The following DNHD1 variants were observed in gnomAD, a reference collection of about 807,000 sequenced individuals.
DNHD1 encodes dynein heavy chain domain 1.
In DNHD1, 383 loss-of-function variants were observed where a neutral mutation model predicts 458.1. The ratio of observed to expected loss-of-function variants is 0.84; its 90% CI spans 0.77 to 0.91. DNHD1 has a LOEUF of 0.91. Among genes scored for constraint, DNHD1 ranks in the 40% least tolerant of loss-of-function variants. The pLI is 0.00. For synonymous variants in DNHD1, 2,203 were observed against 2,376.9 expected (o/e 0.93, Z 2.13); for missense variants, 5,336 against 5,866.1 (o/e 0.91, Z 2.95).
rs1240850591 is a variant in DNHD1 at position 6,557,962 on chromosome 11, C to A, written c.8667C>A (p.Leu2889=). The change falls in exon 25 of 43, where the codon CTC becomes CTA. Residue 2889 remains leucine, a synonymous_variant. Coordinates refer to ENST00000254579, the MANE Select transcript of DNHD1 (RefSeq NM_144666.3). ...GGCCCCGGCAGCATGGCCTGCTGCTCTCGGGGGCTCTGGGTACTGGGCGCC... is the reference window on the plus strand; with the variant it reads ...GGCCCCGGCAGCATGGCCTGCTGCTATCGGGGGCTCTGGGTACTGGGCGCC... ...LARPRQHGLL[L]SGALGTGRHT... is the part of the protein sequence containing the mutation. The A allele has an allele frequency of 6.4e-7, 1 of 1,551,538 alleles. No individual in the cohort carries two copies. The highest frequency in any genetic ancestry group is 8.7e-7 in the Non-Finnish European group (1 of 1,146,996).
chr11:6,527,764 G>A (rs1852739125), intron 10 of DNHD1, among the ~76,000 whole-genome samples: 1 of 152,228 alleles, frequency 6.6e-6, no homozygotes, highest in African/African-American at 2.4e-5. Flanking sequence ...GGGTTTGGGT[G>A]TGGATAGTAT....
chr11:6,511,244 G>C, intron 6 of DNHD1, 29 bp from the exon 7 acceptor site: 1 of 1,611,110 alleles, frequency 6.2e-7, no homozygotes, highest in Non-Finnish European at 8.5e-7. Flanking sequence ...TGGGATGCCA[G>C]CTCTGACCAG....
intron 29 of DNHD1, 113 bp downstream of exon 29, chr11:6,563,244 GA>G: frequency 6.6e-7 from 1 of 1,526,228 alleles, no homozygotes; most frequent in South Asian, 1.2e-5. Flanking sequence ...CTCCTGGGGG[GA>G]GGGGACAAAG....
At position 6,556,870 on chromosome 11, in the gene DNHD1, G is replaced by A. The variant is rs371880816; in HGVS notation, c.7575G>A (p.Leu2525=). 3.1e-3 allele frequency: 4,781 copies of A among 1,551,600 alleles called. 6 individuals carry two copies. Among genetic ancestry groups the A allele is most frequent in the Non-Finnish European group, 3.6e-3 (4,139 of 1,146,994 alleles). Reference sequence around the variant, plus strand: ...GCCTCTTTCGACTCTTCACAGTCCTGGCCCTGGAAAGCATGACCCAGGCCA... The same window carrying A: ...GCCTCTTTCGACTCTTCACAGTCCTAGCCCTGGAAAGCATGACCCAGGCCA... ...CPRLFRLFTV[L]ALESMTQATL... is the part of the protein sequence containing the mutation. The change falls in exon 25 of 43, where the codon CTG becomes CTA. Residue 2525 remains leucine, a synonymous_variant. Coordinates refer to ENST00000254579, the MANE Select transcript of DNHD1 (RefSeq NM_144666.3).
chr11:6,540,105 C>T (rs1853066772), intron 18 of DNHD1, 22 bp downstream of exon 18: 1 of 1,545,110 alleles, frequency 6.5e-7, no homozygotes, highest in East Asian at 2.5e-5. Flanking sequence ...ACCTTGTGAC[C>T]TAGTGAAAGC....
intron 32 of DNHD1, among the ~76,000 whole-genome samples, chr11:6,565,377 G>C (rs760558395): frequency 2.0e-5 from 3 of 152,228 alleles, no homozygotes; most frequent in Non-Finnish European, 4.4e-5. Flanking sequence ...TGTGAAGACA[G>C]AGGATGAATA....
In DNHD1 at chr11:6,505,201, C is replaced by T. The variant is rs1212540088; in HGVS notation, c.920+2275C>T. 6.6e-6 allele frequency among the ~76,000 whole-genome samples: 1 copy of T among 151,878 alleles called. No homozygotes were observed. The highest frequency in any genetic ancestry group is 2.4e-5 in the African/African-American group (1 of 41,362). On this transcript the variant is annotated intron_variant, in intron 4 of 42. Coordinates refer to ENST00000254579, the MANE Select transcript of DNHD1 (RefSeq NM_144666.3). The surrounding 1 kb of genome is among the most constrained non-coding windows in gnomAD (Gnocchi z 4.4). ...CCTCATAGCTTCTAATAACCTGAACCTCTTCCATTTGTTCCTCTAGTTCTG... is the reference window on the plus strand; with the variant it reads ...CCTCATAGCTTCTAATAACCTGAACTTCTTCCATTTGTTCCTCTAGTTCTG...
chr11:6,529,194 G>T (rs1464130013), intron 12 of DNHD1, 73 bp downstream of exon 12: 6 of 1,508,310 alleles, frequency 4.0e-6, no homozygotes, highest in Non-Finnish European at 5.4e-6. Context: ...CCTTGGTCCT[G>T]GAATGTCCTC....
intron 7 of DNHD1, among the ~76,000 whole-genome samples, chr11:6,512,795 C>G (rs938930365): frequency 6.6e-6 from 1 of 151,980 alleles, no homozygotes; most frequent in Non-Finnish European, 1.5e-5. Flanking sequence ...GGGTAGAGAT[C>G]TTTGTTTTGT....
At chr11:6,561,776 G>A (rs1853594361) in intron 28 of DNHD1, among the ~76,000 whole-genome samples, 1 of 152,194 alleles carries the variant, frequency 6.6e-6, no homozygotes, top group Admixed American at 6.5e-5. Context: ...GGGGCCAAGT[G>A]ACAGAATGTC....
rs1225989683 is a variant in DNHD1 at position 6,548,035 on chromosome 11, C to T, written c.6900C>T (p.Pro2300=). ...ALIWGFGAHL[P]SRFWPIFDTF... ...TCTGGGGCTTTGGAGCCCACCTTCC[C>T]TCCAGGTACCTACCAGGATGGGGGA... Residue 2300 remains proline (P), a synonymous_variant, in exon 22 of 43, where the codon CCC becomes CCT. Coordinates refer to ENST00000254579, the MANE Select transcript of DNHD1 (RefSeq NM_144666.3). The surrounding 1 kb of genome is among the most constrained non-coding windows in gnomAD (Gnocchi z 4.4). 1.3e-6 allele frequency: 2 copies of T among 1,551,608 alleles called. No homozygotes were observed. The highest frequency in any genetic ancestry group is 1.7e-6 in the Non-Finnish European group (2 of 1,147,020).
intron 4 of DNHD1, among the ~76,000 whole-genome samples, chr11:6,504,720 AT>A (rs1408133877): frequency 2.6e-5 from 4 of 152,212 alleles, no homozygotes; most frequent in Non-Finnish European, 5.9e-5. Flanking sequence ...AAGTGCTGGG[AT>A]TACAGGCATG....
intron 16 of DNHD1, 101 bp from the exon 17 acceptor site, chr11:6,539,118 G>A (rs1589881584): frequency 3.7e-6 from 3 of 802,748 alleles, no homozygotes. Flanking sequence ...GCTATCTGGG[G>A]TCTGAGCTGG....
chr11:6,513,175 A>G (rs1055128693), intron 7 of DNHD1, among the ~76,000 whole-genome samples: 2 of 152,206 alleles, frequency 1.3e-5, no homozygotes, highest in Non-Finnish European at 2.9e-5. Context: ...TTAATGTTAT[A>G]AAAATAGTTA....
chr11:6,533,937 A>G lies in DNHD1; in HGVS notation c.2762A>G (p.Gln921Arg), dbSNP rs1852885466. The G allele has an allele frequency of 1.9e-6, 3 of 1,551,272 alleles. No individual in the cohort carries two copies. The South Asian group carries it at 3.6e-5, about 18-fold the overall frequency. Residue 921 changes from glutamine (Q) to arginine (R), a missense_variant, in exon 14 of 43, where the codon CAG becomes CGG. Transcript: ENST00000254579. ...GAGGCATTTCAGTTTGAGAAAAGCC[A>G]GGCTTCAGAGTTCCTGCTCAGCAAG... Reference protein sequence around the residue: ...MWEAFQFEKSQASEFLLSKRH... With the variant: ...MWEAFQFEKSRASEFLLSKRH...
Position 6,546,728 on chromosome 11 carries a change from G to A in DNHD1, c.5789G>A (p.Gly1930Glu). 1 of 1,551,720 alleles carries A rather than the reference G, an allele frequency of 6.4e-7. No homozygotes were observed. The highest frequency in any genetic ancestry group is 1.4e-5 in the African/African-American group (1 of 73,156). The change falls in exon 21 of 43, where the codon GGG becomes GAG. Residue 1930 changes from glycine to glutamate, a missense_variant. This residue lies in a region of DNHD1 where 3,932 missense variants were observed against 4,365.6 expected (regional missense o/e 0.90). Transcript: ENST00000254579. ...GGGCTCCACCTGCACAACCTCCGAG[G>A]GCTGTTGTGTGCGCTTTTCCCTAGC... is the stretch of plus-strand genomic sequence containing the variant. The part of the protein sequence containing the change: ...LNGLHLHNLR[G>E]LLCALFPSAS...
chr11:6,517,652 CTT>C (rs59300977), intron 7 of DNHD1, among the ~76,000 whole-genome samples: 386 of 58,862 alleles, frequency 6.6e-3, no homozygotes, highest in African/African-American at 0.019. Flanking sequence ...TCTAGGACTT[CTT>C]TTTTTTTTTT....
At chr11:6,499,807 C>A (rs1852099170) in intron 3 of DNHD1, among the ~76,000 whole-genome samples, 1 of 152,034 alleles carries the variant, frequency 6.6e-6, no homozygotes, top group South Asian at 2.1e-4. Flanking sequence ...ACCTCATGAT[C>A]CGCCCACCTC....
intron 10 of DNHD1, among the ~76,000 whole-genome samples, chr11:6,527,891 A>G (rs1285969317): frequency 6.6e-6 from 1 of 152,250 alleles, no homozygotes; most frequent in Admixed American, 6.5e-5. Context: ...AGGTTCAAGA[A>G]TATTCTCTAA....
Sources: allele counts gnomAD v4.1 joint callset (sites outside exome capture counted in the v4.1 genomes callset), GRCh38; gene constraint gnomAD v4.1.1; regional missense constraint gnomAD v4.1.1; non-coding constraint Gnocchi (gnomAD v3.1); transcripts MANE v1.5; gene names NCBI Gene and HGNC (gene_info 2026-07-23, HGNC 2026-07-21).